The following PDE3B variants were observed in gnomAD, a reference collection of about 807,000 sequenced individuals.
The protein encoded by PDE3B is phosphodiesterase 3B.
In PDE3B, 66 loss-of-function variants were observed where a neutral mutation model predicts 116.8. That is an observed-to-expected ratio of 0.56 (90% CI 0.46 to 0.69). The LOEUF is 0.69. PDE3B is among the 30% of genes least tolerant of loss of function. PDE3B has a pLI of 0.00. For synonymous variants in PDE3B, 595 were observed against 533.6 expected, an observed-to-expected ratio of 1.12 and a Z score of -1.59; for missense variants, 1,384 against 1,368.1, an observed-to-expected ratio of 1.01 and a Z score of -0.18.
chr11:14,806,310 T>C (rs1444896005), intron 5 of PDE3B, among the ~76,000 whole-genome samples: 2 of 148,996 alleles, frequency 1.3e-5, no homozygotes, highest in African/African-American at 5.0e-5. Flanking sequence ...CAGCTGGGCG[T>C]GGTGGCAGGC....
At chr11:14,892,274 A>G in the PDE3B span, 2 of 1,442,612 alleles carry the variant, frequency 1.4e-6, no homozygotes, top group Non-Finnish European at 1.9e-6. Context: ...GCCCTGCCAT[A>G]CTCCCATTGG....
intron 1 of PDE3B, among the ~76,000 whole-genome samples, chr11:14,689,449 G>C (rs994096039): frequency 3.3e-5 from 5 of 152,080 alleles, no homozygotes; most frequent in Admixed American, 1.3e-4. Context: ...AATTCATGCA[G>C]ACCACAAGAC....
At chr11:14,827,418 C>T (rs935872905) in intron 7 of PDE3B, among the ~76,000 whole-genome samples, 3 of 152,030 alleles carry the variant, frequency 2.0e-5, no homozygotes, top group Admixed American at 1.3e-4. Context: ...TAGAAAACCC[C>T]GAAGTCTCGG....
chr11:14,746,801 C>T (rs567598696), intron 1 of PDE3B, among the ~76,000 whole-genome samples: 26 of 152,162 alleles, frequency 1.7e-4, no homozygotes, highest in Non-Finnish European at 3.2e-4. Context: ...AGGATCCTTT[C>T]GATGGTAATT....
chr11:14,808,127 C>T (rs1458118784), intron 5 of PDE3B, among the ~76,000 whole-genome samples: 1 of 151,678 alleles, frequency 6.6e-6, no homozygotes, highest in Non-Finnish European at 1.5e-5. Flanking sequence ...ACTGATCCCC[C>T]CAGGGATGAC....
At chr11:14,733,023 G>GTA (rs1411513903) in intron 1 of PDE3B, among the ~76,000 whole-genome samples, 1 of 152,032 alleles carries the variant, frequency 6.6e-6, no homozygotes, top group Non-Finnish European at 1.5e-5. Flanking sequence ...ACTTAAAAAC[G>GTA]TATATGAAAA....
intron 1 of PDE3B, among the ~76,000 whole-genome samples, chr11:14,696,057 G>A (rs570958465): frequency 5.3e-5 from 8 of 152,152 alleles, no homozygotes; most frequent in Admixed American, 2.0e-4. Context: ...TGGTATTTCC[G>A]GTTCTAAATC....
At chr11:14,876,008 T>C (rs1220336275), downstream of PDE3B, among the ~76,000 whole-genome samples, 1 of 152,198 alleles carries the variant, frequency 6.6e-6, no homozygotes, top group Non-Finnish European at 1.5e-5. Context: ...CTAGCAGCAG[T>C]AGTGGTGTAC....
At chr11:14,891,040 C>G in the PDE3B span, 4 of 985,444 alleles carry the variant, frequency 4.1e-6, no homozygotes, top group Non-Finnish European at 4.8e-6. Context: ...TTCTTCACCG[C>G]TAGCGTCAGG....
intron 1 of PDE3B, among the ~76,000 whole-genome samples, chr11:14,763,408 C>A (rs907855555): frequency 2.0e-5 from 3 of 151,878 alleles, no homozygotes; most frequent in Non-Finnish European, 1.5e-5. Flanking sequence ...AGGAGAAGAA[C>A]TAGAAACAAC....
intron 11 of PDE3B, among the ~76,000 whole-genome samples, chr11:14,837,807 T>A (rs964886955): frequency 3.3e-5 from 5 of 151,998 alleles, no homozygotes; most frequent in African/African-American, 1.2e-4. Flanking sequence ...CAATGGAAAA[T>A]TATGATGAAA....
chr11:14,739,142 A>G lies in PDE3B; in HGVS notation c.979-32795A>G, dbSNP rs183359413. 3.9e-5 allele frequency among the ~76,000 whole-genome samples: 6 copies of G among 152,364 alleles called. No homozygotes were observed. The East Asian group carries it at 1.2e-3, about 29-fold the overall frequency. On this transcript the variant is annotated intron_variant, in intron 1 of 15. Transcript: ENST00000282096. ...TAGTTTTCTCTAATTCTGTGAAGAA[A>G]GTCAATGGTAGCTTGATGGGGATAG...
At chr11:14,741,256 A>G (rs1389622201) in intron 1 of PDE3B, among the ~76,000 whole-genome samples, 4 of 152,060 alleles carry the variant, frequency 2.6e-5, no homozygotes, top group African/African-American at 9.7e-5. Context: ...GTAGGCCTCT[A>G]AGACTTGGTA....
intron 1 of PDE3B, among the ~76,000 whole-genome samples, chr11:14,758,031 A>C (rs975164574): frequency 6.6e-6 from 1 of 151,610 alleles, no homozygotes. Flanking sequence ...TGGCTAGCCA[A>C]TTTTCCCAGC....
Position 14,643,998 on chromosome 11 carries a change from T to G in PDE3B, c.-78T>G. 7.4e-7 allele frequency: 1 copy of G among 1,349,734 alleles called. No individual in the cohort carries two copies. Among genetic ancestry groups the G allele is most frequent in the Non-Finnish European group, 9.5e-7 (1 of 1,056,710 alleles). The allele number at this position is 1,349,734 out of a possible 1,614,324, so 83.6% of individuals were successfully genotyped here. ...CCAGGGGGCGCCCCGAACGCGGGGG[T>G]TGGGGTCTGGGAGCGCGAGCGGCCG... On this transcript the variant is annotated 5_prime_UTR_variant, in exon 1 of 16. Coordinates refer to ENST00000282096, the MANE Select transcript of PDE3B (RefSeq NM_000922.4).
the PDE3B span, among the ~76,000 whole-genome samples, chr11:14,888,021 A>G: frequency 6.6e-6 from 1 of 152,082 alleles, no homozygotes; most frequent in African/African-American, 2.4e-5. Flanking sequence ...TTCTTAGTCT[A>G]GAATGTTCTT....
chr11:14,892,067 GCAGCC>G, the PDE3B span: 52 of 1,612,184 alleles, frequency 3.2e-5, no homozygotes, highest in Non-Finnish European at 4.2e-5. Flanking sequence ...CCGATAAATG[GCAGCC>G]CCGGCGGCCC....
At chr11:14,765,440 T>C (rs879382523) in intron 1 of PDE3B, among the ~76,000 whole-genome samples, 6 of 151,874 alleles carry the variant, frequency 4.0e-5, no homozygotes, top group African/African-American at 9.7e-5. Flanking sequence ...TAAAAACATA[T>C]TCAAACAGAA....
rs36115886 is a variant in PDE3B at position 14,820,232 on chromosome 11, CT to C, written c.1807+1037del. On this transcript the variant is annotated intron_variant, in intron 7 of 15. Coordinates refer to ENST00000282096, the MANE Select transcript of PDE3B (RefSeq NM_000922.4). The stretch of plus-strand genomic sequence containing the variant: ...AGGAGGGAACACTTCCCAACTCATT[CT>C]TTTTTTTTTTTTTGTATATCATTAC... 1.6e-3 allele frequency among the ~76,000 whole-genome samples: 231 copies of C among 140,720 alleles called. 1 individual carries two copies. The Middle Eastern group carries it at 0.018, about 11-fold the overall frequency. The allele number at this position is 140,720 out of a possible 152,430, so 92.3% of individuals were successfully genotyped here. A position where few individuals can be genotyped will look rare whatever the true frequency, so the allele number is the denominator to read the frequency against.
Sources: allele counts gnomAD v4.1 joint callset (sites outside exome capture counted in the v4.1 genomes callset), GRCh38; gene constraint gnomAD v4.1.1; transcripts MANE v1.5; gene names NCBI Gene and HGNC (gene_info 2026-07-23, HGNC 2026-07-21).